Variants in XRN1 observed in about 807,000 individuals in gnomAD.
XRN1 encodes strand-exchange protein 1 homolog.
In XRN1, 67 loss-of-function variants were observed where a neutral mutation model predicts 222.3. The observed-to-expected ratio is 0.30, with a 90% CI of 0.25 to 0.37. The LOEUF is 0.37. XRN1 is among the 10% of genes least tolerant of loss of function. The pLI is 1.00. For synonymous variants in XRN1, 643 were observed against 652.4 expected, an observed-to-expected ratio of 0.99 and a Z score of 0.22; for missense variants, 1,707 against 2,000.2, an observed-to-expected ratio of 0.85 and a Z score of 2.80.
chr3:142,413,309 C>T (rs2068658357), intron 14 of XRN1, among the ~76,000 whole-genome samples: 1 of 152,076 alleles, frequency 6.6e-6, no homozygotes, highest in African/African-American at 2.4e-5. Flanking sequence ...ATAAAACAGA[C>T]CGTAAAACGC....
intron 19 of XRN1, among the ~76,000 whole-genome samples, chr3:142,398,517 C>A (rs1279579825): frequency 3.3e-5 from 5 of 151,944 alleles, no homozygotes; most frequent in African/African-American, 1.2e-4. Context: ...CAGGTGCACA[C>A]CACCATGCCT....
intron 19 of XRN1, 99 bp from the exon 20 acceptor site, chr3:142,397,559 G>T: frequency 2.0e-6 from 2 of 979,974 alleles, no homozygotes; most frequent in Non-Finnish European, 2.7e-6. Context: ...TTTTCACATG[G>T]TATACTAGCA....
chr3:142,401,057 C>T (rs1316684486), intron 18 of XRN1, among the ~76,000 whole-genome samples: 2 of 151,974 alleles, frequency 1.3e-5, no homozygotes, highest in Non-Finnish European at 2.9e-5. Context: ...ATAAAAAGAA[C>T]AGCAGAAATA....
intron 18 of XRN1, among the ~76,000 whole-genome samples, chr3:142,401,117 A>C (rs1434100434): frequency 6.6e-6 from 1 of 152,164 alleles, no homozygotes; most frequent in African/African-American, 2.4e-5. Flanking sequence ...AATTATTTAA[A>C]ACAGGATCTA....
intron 33 of XRN1, 85 bp downstream of exon 33, chr3:142,347,149 G>A: frequency 1.0e-6 from 1 of 957,118 alleles, no homozygotes; most frequent in Non-Finnish European, 1.6e-6. Context: ...TTTACTTTAT[G>A]GTATGTAAAT....
At chr3:142,418,407 C>T (rs2068868975) in intron 12 of XRN1, 97 bp downstream of exon 12, 3 of 929,760 alleles carry the variant, frequency 3.2e-6, no homozygotes, top group African/African-American at 3.4e-5. Context: ...ACCAAAAAAT[C>T]CTTTTTCTCC....
intron 18 of XRN1, among the ~76,000 whole-genome samples, chr3:142,401,544 C>A (rs1192485391): frequency 6.6e-6 from 1 of 151,938 alleles, no homozygotes; most frequent in East Asian, 1.9e-4. Flanking sequence ...GAAACCCGGT[C>A]TCTACTAAAA....
chr3:142,346,724 G>T (rs542026291), intron 33 of XRN1, among the ~76,000 whole-genome samples: 1 of 152,040 alleles, frequency 6.6e-6, no homozygotes, highest in Non-Finnish European at 1.5e-5. Flanking sequence ...CAAGTGATCT[G>T]CCTGCCTTGG....
chr3:142,415,938 A>G (rs1157103354), intron 13 of XRN1, among the ~76,000 whole-genome samples: 1 of 152,162 alleles, frequency 6.6e-6, no homozygotes, highest in Non-Finnish European at 1.5e-5. Flanking sequence ...AACATGAGAA[A>G]TAAAATGATT....
At chr3:142,443,420 T>G (rs2070338129) in intron 1 of XRN1, among the ~76,000 whole-genome samples, 1 of 150,972 alleles carries the variant, frequency 6.6e-6, no homozygotes, top group Non-Finnish European at 1.5e-5. Context: ...AACACGGGGC[T>G]TGCAACTTAG....
rs938882771 is a variant in XRN1 at position 142,402,265 on chromosome 3, G to A, written c.2103+1409C>T. Among the ~76,000 whole-genome samples the A allele has an allele frequency of 2.6e-4, 40 of 151,518 alleles. 1 individual carries two copies. The highest frequency in any genetic ancestry group is 3.4e-3 in the Middle Eastern group (1 of 294). ...TGGCGCGATTTTGGCTCACTGCCACGTCCACCTCCTGGGTTCAAGCAATTC... is the reference window on the plus strand; with the variant it reads ...TGGCGCGATTTTGGCTCACTGCCACATCCACCTCCTGGGTTCAAGCAATTC... On this transcript the variant is annotated intron_variant, in intron 18 of 40. Transcript: ENST00000392981.
chr3:142,338,573 G>A (rs939330137), intron 33 of XRN1, among the ~76,000 whole-genome samples: 3 of 152,164 alleles, frequency 2.0e-5, no homozygotes, highest in African/African-American at 7.2e-5. Flanking sequence ...GAGAAAAGCA[G>A]AGGGAAAAGT....
chr3:142,322,602 C>A (rs758023564), intron 37 of XRN1, among the ~76,000 whole-genome samples: 3 of 152,108 alleles, frequency 2.0e-5, no homozygotes, highest in African/African-American at 7.2e-5. Flanking sequence ...ATCGCTTGAA[C>A]CTGGCAGGTG....
rs779218114 is a variant in XRN1, at chr3:142,351,931, C to T, written c.3768+3470G>A. ...AAAAAAAAAAAAAAGGTCCCAGAAT[C>T]GGCCTCACCTAAAGTTACTCCTCTT... On this transcript the variant is annotated intron_variant, in intron 32 of 40. Transcript: ENST00000392981. Among the ~76,000 whole-genome samples, 98 of 150,770 alleles carry T rather than the reference C, an allele frequency of 6.5e-4. 1 individual carries two copies. The highest frequency in any genetic ancestry group is 7.4e-5 in the Non-Finnish European group (5 of 67,800).
At chr3:142,426,991 G>T in intron 2 of XRN1, 150 bp from the exon 3 acceptor site, 1 of 619,514 alleles carries the variant, frequency 1.6e-6, no homozygotes, top group Non-Finnish European at 2.7e-6. Flanking sequence ...GATTATGATT[G>T]ATAAAAATGA....
Position 142,376,580 on chromosome 3 carries a change from C to A in XRN1, c.2730G>T (p.Lys910Asn). 6.2e-7 allele frequency: 1 copy of A among 1,608,932 alleles called. No homozygotes were observed. The highest frequency in any genetic ancestry group is 1.3e-5 in the African/African-American group (1 of 74,740). The change falls in exon 24 of 41, where the codon AAG becomes AAT. Residue 910 changes from lysine (K) to asparagine (N), a missense_variant. Lys to Asn is a moderately conservative substitution (Grantham distance 94, BLOSUM62 0). Transcript: ENST00000392981. ...LIQNQHKYSI[K>N]YNPGYVLASR... ...TGGCCAACACATATCCTGGGTTGTA[C>A]TTTATAGAATATTTCTTTAAATATA...
intron 32 of XRN1, among the ~76,000 whole-genome samples, chr3:142,351,476 T>C (rs1173513397): frequency 1.3e-5 from 2 of 152,042 alleles, no homozygotes; most frequent in African/African-American, 4.8e-5. Context: ...GCAGTTTCCA[T>C]AAAGTGATGG....
chr3:142,350,153 G>A (rs573974688), intron 32 of XRN1, among the ~76,000 whole-genome samples: 2 of 152,278 alleles, frequency 1.3e-5, no homozygotes, highest in East Asian at 3.9e-4. Flanking sequence ...TTGAGGAGTT[G>A]AGGCAGGATT....
At chr3:142,360,957 T>C (rs1405329116) in intron 29 of XRN1, among the ~76,000 whole-genome samples, 3 of 150,726 alleles carry the variant, frequency 2.0e-5, no homozygotes, top group Non-Finnish European at 4.4e-5. Context: ...ATATCTGAAA[T>C]ATACAAGTTA....
Sources: gnomAD v4.1 joint callset for allele counts (sites outside exome capture counted in the v4.1 genomes callset) on GRCh38, gnomAD v4.1.1 for gene constraint, MANE v1.5 for transcripts, NCBI Gene and HGNC (gene_info 2026-07-23, HGNC 2026-07-21) for gene names.